APIP: variants seen among roughly 807,000 people sequenced by gnomAD.
APIP encodes the protein APAF1 interacting protein.
In APIP, 32 loss-of-function variants were observed where a neutral mutation model predicts 32.0. The observed-to-expected ratio is 1.00, with a 90% CI of 0.76 to 1.34. APIP has a LOEUF of 1.34. APIP is among the 40% of genes most tolerant of loss of function. The probability of loss-of-function intolerance (pLI) is 0.00; values close to 1 mark genes in which losing one functional copy is unlikely to be tolerated. For synonymous variants in APIP, 92 were observed against 94.8 expected (o/e 0.97, Z 0.17); for missense variants, 247 against 298.6 (o/e 0.83, Z 1.27).
intron 5 of APIP, among the ~76,000 whole-genome samples, chr11:34,885,263 G>GTA (rs1162249918): frequency 6.8e-6 from 1 of 147,758 alleles, no homozygotes; most frequent in Non-Finnish European, 1.5e-5. Context: ...ATATATAGGT[G>GTA]TATATATATA....
intron 1 of APIP, chr11:34,896,726 G>GCAGCAA (rs1554980841): frequency 3.1e-5 from 33 of 1,079,856 alleles, no homozygotes; most frequent in Non-Finnish European, 4.0e-5. Context: ...GCATAATAAA[G>GCAGCAA]CAACAACAAC....
intron 4 of APIP, 60 bp downstream of exon 4, chr11:34,888,692 C>T: frequency 2.3e-6 from 3 of 1,288,394 alleles, no homozygotes; most frequent in Non-Finnish European, 3.2e-6. Flanking sequence ...TAATAATTAC[C>T]ATTATTTAGA....
intron 1 of APIP, among the ~76,000 whole-genome samples, chr11:34,915,178 A>T (rs1853647948): frequency 6.6e-6 from 1 of 152,004 alleles, no homozygotes; most frequent in African/African-American, 2.4e-5. Flanking sequence ...ATGACATTAC[A>T]CTAAGATTTA....
chr11:34,895,216 T>TGGCTCACGCCTGTAATCCCAGC, intron 1 of APIP, 106 bp from the exon 2 acceptor site: 1 of 961,620 alleles, frequency 1.0e-6, no homozygotes, highest in Admixed American at 2.1e-5. Flanking sequence ...TAAGAAAACA[T>TGGCTCACGCCTGTAATCCCAGC]ACTATAGAAA....
intron 5 of APIP, among the ~76,000 whole-genome samples, chr11:34,886,371 AAAGAAAATAT>A (rs1853071368): frequency 6.6e-6 from 1 of 152,120 alleles, no homozygotes; most frequent in Non-Finnish European, 1.5e-5. Flanking sequence ...ATAAAGATAT[AAAGAAAATAT>A]TTTTGTATAG....
intron 1 of APIP, among the ~76,000 whole-genome samples, chr11:34,905,700 G>T (rs1359503181): frequency 6.6e-6 from 1 of 152,168 alleles, no homozygotes; most frequent in African/African-American, 2.4e-5. Context: ...CTAGTTGGGG[G>T]GCTTTCAGAA....
intron 1 of APIP, among the ~76,000 whole-genome samples, chr11:34,898,891 C>A (rs1033727315): frequency 7.0e-6 from 1 of 143,032 alleles, no homozygotes; most frequent in Non-Finnish European, 1.5e-5. Context: ...CTCCGCCTCC[C>A]GGGTTCACGC....
At chr11:34,913,786 G>A (rs1233740474) in intron 1 of APIP, among the ~76,000 whole-genome samples, 1 of 152,140 alleles carries the variant, frequency 6.6e-6, no homozygotes, top group African/African-American at 2.4e-5. Flanking sequence ...GCTGATTGGT[G>A]GGTTTACAAA....
At chr11:34,890,441 C>G in intron 3 of APIP, 63 bp downstream of exon 3, 2 of 1,447,878 alleles carry the variant, frequency 1.4e-6, no homozygotes, top group Non-Finnish European at 1.9e-6. Flanking sequence ...AAAATTAATT[C>G]CATTTCATAA....
chr11:34,908,989 C>G (rs1853499043), intron 1 of APIP, among the ~76,000 whole-genome samples: 2 of 152,112 alleles, frequency 1.3e-5, no homozygotes, highest in South Asian at 2.1e-4. Context: ...GTTTTGGAAA[C>G]ATTTGCACAG....
At chr11:34,886,176 C>T (rs1342385922) in intron 5 of APIP, among the ~76,000 whole-genome samples, 1 of 152,096 alleles carries the variant, frequency 6.6e-6, no homozygotes, top group African/African-American at 2.4e-5. Context: ...CAGGAGATGA[C>T]AGCTCCATGC....
At chr11:34,909,787 G>A (rs1853517006) in intron 1 of APIP, among the ~76,000 whole-genome samples, 1 of 152,194 alleles carries the variant, frequency 6.6e-6, no homozygotes, top group Admixed American at 6.5e-5. Flanking sequence ...GGGAGAAGGA[G>A]AGAAATAATT....
At chr11:34,886,526 G>C (rs1853073980) in intron 5 of APIP, among the ~76,000 whole-genome samples, 1 of 151,954 alleles carries the variant, frequency 6.6e-6, no homozygotes, top group Non-Finnish European at 1.5e-5. Flanking sequence ...ATTTCGTGTA[G>C]CCTAAACATA....
intron 1 of APIP, among the ~76,000 whole-genome samples, chr11:34,903,472 G>GT (rs1853398141): frequency 6.6e-6 from 1 of 152,216 alleles, no homozygotes; most frequent in African/African-American, 2.4e-5. Flanking sequence ...TGCTTTTCTG[G>GT]TTCTCCATGC....
chr11:34,888,397 T>G lies in APIP; in HGVS notation c.357A>C (p.Lys119Asn). Residue 119 changes from lysine (K) to asparagine (N), a missense_variant, in exon 5 of 7, where the codon AAA (lysine) becomes AAC (asparagine). Coordinates refer to ENST00000395787, the MANE Select transcript of APIP (RefSeq NM_015957.4). ...GAGAVIHTHS[K>N]AAVMATLLFP... ...AGAGAAGTGTGGCCATCACAGCAGC[T>G]TTAGAGTGGGTATGAATCACTGCAC... The G allele has an allele frequency of 1.2e-6, 2 of 1,611,446 alleles. No individual in the cohort carries two copies. The highest frequency in any genetic ancestry group is 1.7e-5 in the Admixed American group (1 of 59,660).
chr11:34,883,572 A>C, intron 5 of APIP, 68 bp from the exon 6 acceptor site: 1 of 1,499,588 alleles, frequency 6.7e-7, no homozygotes, highest in Non-Finnish European at 9.0e-7. Flanking sequence ...TACAACATGT[A>C]ATTTTTTCAA....
chr11:34,906,743 C>G, intron 1 of APIP, among the ~76,000 whole-genome samples: 1 of 152,116 alleles, frequency 6.6e-6, no homozygotes, highest in Non-Finnish European at 1.5e-5. Context: ...ACCTAAAGAT[C>G]AAATCAAAAT....
At chr11:34,908,085 T>A (rs923245455) in intron 1 of APIP, among the ~76,000 whole-genome samples, 1 of 152,206 alleles carries the variant, frequency 6.6e-6, no homozygotes, top group Non-Finnish European at 1.5e-5. Context: ...ATGGGGAAAC[T>A]AGTAAGATGT....
At chr11:34,899,402 G>A (rs2985385) in intron 1 of APIP, among the ~76,000 whole-genome samples, 121,513 of 152,152 alleles carry the variant, frequency 0.8, 48,711 homozygotes, top group East Asian at 0.83. Context: ...GAAAATGGCC[G>A]TTTGGTTCCT....
Sources: allele counts gnomAD v4.1 joint callset (sites outside exome capture counted in the v4.1 genomes callset), GRCh38; gene constraint gnomAD v4.1.1; transcripts MANE v1.5; gene names NCBI Gene and HGNC (gene_info 2026-07-23, HGNC 2026-07-21).